The following SLC6A14 variants were observed in gnomAD, a reference collection of about 807,000 sequenced individuals.
The protein encoded by SLC6A14 is solute carrier family 6 member 14, also known as sodium- and chloride-dependent neutral and basic amino acid transporter B(0+).
A neutral mutation model predicts 51.4 loss-of-function variants in SLC6A14; 21 were observed. The observed-to-expected ratio is 0.41, with a 90% CI of 0.29 to 0.59. The LOEUF (loss-of-function observed/expected upper bound fraction) is 0.59, where lower values mean the gene tolerates loss of function less well. Among genes scored for constraint, SLC6A14 ranks in the 20% least tolerant of loss-of-function variants. The probability of loss-of-function intolerance (pLI) is 0.31; values close to 1 mark genes in which losing one functional copy is unlikely to be tolerated. For synonymous variants in SLC6A14, 177 were observed against 160.7 expected (o/e 1.10, Z -0.77); for missense variants, 371 against 472.8 (o/e 0.78, Z 2.00).
chrX:116,445,041 G>T lies in SLC6A14; in HGVS notation c.780G>T (p.Ser260=). Residue 260 remains serine, a synonymous_variant, in exon 6 of 14, where the codon TCG becomes TCT. Transcript: ENST00000598581. ...CAGCACTATTTAAAGGAATCAAATC[G>T]TCTGGCAAGGTAACTTGAAAAACAC... ...VGAALFKGIK[S]SGKVVYFTAL... 1 of 1,184,774 alleles carries T rather than the reference G, an allele frequency of 8.4e-7. No homozygotes were observed. Among genetic ancestry groups the T allele is most frequent in the Non-Finnish European group, 1.1e-6 (1 of 883,980 alleles).
At chrX:116,452,160 T>A (rs1206474711) in intron 8 of SLC6A14, among the ~76,000 whole-genome samples, 1 of 111,422 alleles carries the variant, frequency 9.0e-6, no homozygotes, top group Non-Finnish European at 1.9e-5. Context: ...AATACTAGGG[T>A]TGTTTTAAGT....
chrX:116,440,999 C>T lies in SLC6A14; in HGVS notation c.248C>T (p.Ala83Val). The T allele has an allele frequency of 8.3e-7, 1 of 1,210,111 alleles. No homozygotes were observed. The highest frequency in any genetic ancestry group is 1.1e-6 in the Non-Finnish European group (1 of 894,244). ...TTGATACCTTATGCAATTATGTTAGCATTGGCTGGTTTACCTTTGTTCTTT... is the reference window on the plus strand; with the variant it reads ...TTGATACCTTATGCAATTATGTTAGTATTGGCTGGTTTACCTTTGTTCTTT... ...AFLIPYAIML[A>V]LAGLPLFFLE... is the part of the protein sequence containing the mutation. The change falls in exon 3 of 14, where the codon GCA becomes GTA. Residue 83 changes from alanine (A) to valine (V), a missense_variant. Coordinates refer to ENST00000598581, the MANE Select transcript of SLC6A14 (RefSeq NM_007231.5).
At chrX:116,450,847 A>T (rs1927809151) in intron 7 of SLC6A14, among the ~76,000 whole-genome samples, 2 of 111,826 alleles carry the variant, frequency 1.8e-5, no homozygotes, top group Non-Finnish European at 3.8e-5. Context: ...GCTGAGGCAC[A>T]AGAATTGCTT....
chrX:116,436,895 A>T, intron 1 of SLC6A14, 138 bp downstream of exon 1: 3 of 506,586 alleles, frequency 5.9e-6, no homozygotes, highest in Non-Finnish European at 9.8e-6. Context: ...TGTGACTGAG[A>T]TATACCTATA....
chrX:116,441,811 G>A (rs1404041681), intron 3 of SLC6A14, among the ~76,000 whole-genome samples: 2 of 111,500 alleles, frequency 1.8e-5, no homozygotes, highest in African/African-American at 3.3e-5. Flanking sequence ...CCTAGTTAAG[G>A]AAACTTTGGA....
chrX:116,443,109 A>C (rs1229232628), intron 4 of SLC6A14, among the ~76,000 whole-genome samples: 1 of 111,119 alleles, frequency 9.0e-6, no homozygotes, highest in Non-Finnish European at 1.9e-5. Context: ...TGAGAAAATG[A>C]TAAAGGGAGA....
rs1480333535 is a variant in SLC6A14, at chrX:116,461,303, A to G, written c.*2348A>G. 5 of 118,898 alleles carry G rather than the reference A, an allele frequency of 4.2e-5. No homozygotes were observed. The highest frequency in any genetic ancestry group is 8.6e-5 in the Non-Finnish European group (5 of 57,814). 9.8% of individuals were successfully genotyped at this position (118,898 alleles called of 1,213,427 possible). A position where few individuals can be genotyped will look rare whatever the true frequency, so the allele number is the denominator to read the frequency against. ...TTTTTATTATTATTACTCAGATTCC[A>G]CAGTGGCAAGAAACATCATTCTACA... is the stretch of plus-strand genomic sequence containing the variant. On this transcript the variant is annotated 3_prime_UTR_variant, in exon 14 of 14. Transcript: ENST00000598581.
intron 12 of SLC6A14, among the ~76,000 whole-genome samples, chrX:116,456,355 T>G (rs1430043845): frequency 9.0e-6 from 1 of 110,792 alleles, no homozygotes; most frequent in Admixed American, 9.6e-5. Context: ...TTTAACATTA[T>G]GAGATCACTT....
chrX:116,437,498 G>A (rs782653549), intron 1 of SLC6A14, among the ~76,000 whole-genome samples: 1 of 111,716 alleles, frequency 9.0e-6, no homozygotes, highest in Admixed American at 9.5e-5. Context: ...GCTTTCATTT[G>A]TGTCTCACAC....
chrX:116,438,622 G>A (rs782114093), intron 2 of SLC6A14, among the ~76,000 whole-genome samples: 4 of 111,681 alleles, frequency 3.6e-5, no homozygotes, highest in Non-Finnish European at 1.9e-5. Flanking sequence ...AGAAAAAGGA[G>A]AGAAAAATCA....
At chrX:116,444,757 C>T (rs1395110757) in intron 5 of SLC6A14, among the ~76,000 whole-genome samples, 161 bp from the exon 6 acceptor site, 6 of 110,810 alleles carry the variant, frequency 5.4e-5, no homozygotes, top group African/African-American at 2.0e-4. Flanking sequence ...CTGTGCCCTT[C>T]GTATTGATAG....
Position 116,441,040 on chromosome X carries a change from G to T in SLC6A14, c.289G>T (p.Gly97Ter). 8.3e-7 allele frequency: 1 copy of T among 1,209,956 alleles called. No homozygotes were observed. The highest frequency in any genetic ancestry group is 1.1e-6 in the Non-Finnish European group (1 of 894,165). ...LPLFFLECSL[G>*]QFASLGPVSV... ...TTTGTTCTTTCTGGAGTGTTCACTGGGACAATTTGCTAGCTTAGGTCCAGT... is the reference window on the plus strand; with the variant it reads ...TTTGTTCTTTCTGGAGTGTTCACTGTGACAATTTGCTAGCTTAGGTCCAGT... The change falls in exon 3 of 14, where the codon GGA becomes TGA. Residue 97 changes from glycine (G) to a stop codon, truncating the protein, a stop_gained. Transcript: ENST00000598581. LOFTEE classifies it high-confidence loss of function.
In SLC6A14 at chrX:116,445,062, AAC is replaced by A; in HGVS notation, c.789+16_789+17del. The A allele has an allele frequency of 8.5e-7, 1 of 1,172,437 alleles. No homozygotes were observed. Among genetic ancestry groups the A allele is most frequent in the Non-Finnish European group, 1.1e-6 (1 of 876,808 alleles). ...AATCGTCTGGCAAGGTAACTTGAAA[AAC>A]ACATTAGATAGCGATATAGCAGCTT... is the stretch of plus-strand genomic sequence containing the variant. On this transcript the variant is annotated intron_variant, in intron 6 of 13. Transcript: ENST00000598581.
At chrX:116,452,782 ATT>A (rs1927848356) in intron 8 of SLC6A14, among the ~76,000 whole-genome samples, 1 of 111,850 alleles carries the variant, frequency 8.9e-6, no homozygotes, top group African/African-American at 3.2e-5. Flanking sequence ...GAAATGTACC[ATT>A]TACATTACAG....
intron 5 of SLC6A14, among the ~76,000 whole-genome samples, chrX:116,444,695 T>C (rs1927669476): frequency 9.0e-6 from 1 of 111,473 alleles, no homozygotes; most frequent in African/African-American, 3.3e-5. Context: ...TTTGAAACTT[T>C]GGATTGGCTG....
chrX:116,451,513 A>T lies in SLC6A14; in HGVS notation c.1002A>T (p.Ser334=). Residue 334 remains serine, a synonymous_variant, in exon 8 of 14, where the codon TCA becomes TCT. Coordinates refer to ENST00000598581, the MANE Select transcript of SLC6A14 (RefSeq NM_007231.5). ...CTTGGGGTGGCTTAGTTGCTCTATC[A>T]TCTTACAATAAGTTCAAAAACAACT... ...SVAWGGLVAL[S]SYNKFKNNCF... The T allele has an allele frequency of 8.3e-7, 1 of 1,210,728 alleles. No individual in the cohort carries two copies. Among genetic ancestry groups the T allele is most frequent in the Non-Finnish European group, 1.1e-6 (1 of 894,857 alleles).
At chrX:116,455,766 C>T (rs1228336671) in intron 12 of SLC6A14, among the ~76,000 whole-genome samples, 3 of 111,138 alleles carry the variant, frequency 2.7e-5, no homozygotes, top group African/African-American at 9.7e-5. Context: ...CATGAATTTG[C>T]TCATTCCCTA....
intron 8 of SLC6A14, 140 bp from the exon 9 acceptor site, chrX:116,452,875 ATG>A (rs1800316235): frequency 2.5e-6 from 1 of 399,644 alleles, no homozygotes. Flanking sequence ...TAAAAAGGGA[ATG>A]TGAAATAGTT....
chrX:116,457,604 G>C lies in SLC6A14; in HGVS notation c.1615-5G>C, dbSNP rs782552703. The C allele has an allele frequency of 8.3e-7, 1 of 1,198,654 alleles. No individual in the cohort carries two copies. Among genetic ancestry groups the C allele is most frequent in the Admixed American group, 2.2e-5 (1 of 45,148 alleles). On this transcript the variant is annotated splice_region_variant and splice_polypyrimidine_tract_variant and intron_variant, in intron 12 of 13. Coordinates refer to ENST00000598581, the MANE Select transcript of SLC6A14 (RefSeq NM_007231.5). ...GCTTTGTCTTTGCATATTTAACTTT[G>C]ACAGGCAATATTTATCTGGTCATTG...
Sources: allele counts gnomAD v4.1 joint callset (sites outside exome capture counted in the v4.1 genomes callset), GRCh38; gene constraint gnomAD v4.1.1; transcripts MANE v1.5; gene names NCBI Gene and HGNC (gene_info 2026-07-23, HGNC 2026-07-21).